CASC3: variants seen among roughly 807,000 people sequenced by gnomAD.
CASC3 encodes CASC3 exon junction complex subunit.
In CASC3, 30 loss-of-function variants were observed where a neutral mutation model predicts 80.5. That is an observed-to-expected ratio of 0.37 (90% confidence interval 0.28 to 0.51). CASC3 has a LOEUF of 0.51. CASC3 is among the 20% of genes least tolerant of loss of function. The pLI is 0.94. For missense variants in CASC3, 824 were observed against 922.2 expected (o/e 0.89, Z 1.38); for synonymous variants, 312 against 333.6 (o/e 0.94, Z 0.70).
At chr17:40,145,863 T>C (rs936347341) in intron 3 of CASC3, among the ~76,000 whole-genome samples, 2 of 152,086 alleles carry the variant, frequency 1.3e-5, no homozygotes, top group Non-Finnish European at 2.9e-5. Flanking sequence ...ACTCCTGACC[T>C]CAAGTGATCT....
intron 11 of CASC3, 175 bp downstream of exon 11, chr17:40,168,592 C>T: frequency 1.6e-6 from 1 of 621,278 alleles, no homozygotes. Context: ...TTATGTAATG[C>T]CCATCATCTT....
intron 3 of CASC3, among the ~76,000 whole-genome samples, chr17:40,155,050 C>T (rs932417562): frequency 7.9e-5 from 12 of 151,912 alleles, no homozygotes; most frequent in African/African-American, 2.7e-4. Context: ...CCACCACGCC[C>T]AGCTGATTTT....
intron 3 of CASC3, among the ~76,000 whole-genome samples, chr17:40,159,592 C>G (rs1055539859): frequency 2.8e-5 from 4 of 145,024 alleles, no homozygotes; most frequent in Admixed American, 1.4e-4. Flanking sequence ...GTTGCTAAGA[C>G]TGGAGCGCAG....
At chr17:40,151,764 G>A (rs556907790) in intron 3 of CASC3, among the ~76,000 whole-genome samples, 14 of 149,724 alleles carry the variant, frequency 9.4e-5, no homozygotes, top group African/African-American at 2.9e-4. Context: ...TCAAGCAACC[G>A]CAAATCTACT....
intron 7 of CASC3, 30 bp from the exon 8 acceptor site, chr17:40,166,767 T>C: frequency 6.5e-7 from 1 of 1,540,446 alleles, no homozygotes; most frequent in South Asian, 1.2e-5. Context: ...ATGTCTGATC[T>C]GCAGAAGTGA....
intron 2 of CASC3, 87 bp downstream of exon 2, chr17:40,141,321 C>A: frequency 7.9e-7 from 1 of 1,270,066 alleles, no homozygotes; most frequent in Non-Finnish European, 1.2e-6. Context: ...CATTCTCACA[C>A]ACTGTCACGG....
intron 12 of CASC3, 31 bp from the exon 13 acceptor site, chr17:40,169,567 C>T: frequency 6.3e-7 from 1 of 1,584,354 alleles, no homozygotes; most frequent in Non-Finnish European, 8.6e-7. Flanking sequence ...TTGTTATGAC[C>T]TGATAACAAA....
rs1989459667 is a variant in CASC3, at chr17:40,166,788, G to A, written c.1472-9G>A. ...GATCTGCAGAAGTGACTTTTTTGGT[G>A]TATTACAGGTATGCCCAACCATATA... On this transcript the variant is annotated splice_polypyrimidine_tract_variant and intron_variant, in intron 7 of 13. Transcript: ENST00000264645. 1.9e-6 allele frequency: 3 copies of A among 1,586,878 alleles called. No individual in the cohort carries two copies. The highest frequency in any genetic ancestry group is 2.7e-5 in the African/African-American group (2 of 73,212).
chr17:40,169,352 C>T lies in CASC3; in HGVS notation c.1994C>T (p.Thr665Ile). The T allele has an allele frequency of 6.2e-7, 1 of 1,612,086 alleles. No homozygotes were observed. ...QAPSQVYGGV[T>I]YYNPAQQQVQ... The stretch of plus-strand genomic sequence containing the variant: ...CCATCACAGGTATATGGAGGAGTGA[C>T]CTACTATAACCCCGCCCAGCAGCAG... The change falls in exon 12 of 14, where the codon ACC (threonine) becomes ATC (isoleucine). Residue 665 changes from threonine (T) to isoleucine (I), a missense_variant. Coordinates refer to ENST00000264645, the MANE Select transcript of CASC3 (RefSeq NM_007359.5).
chr17:40,159,933 C>T (rs1011417537), intron 3 of CASC3, among the ~76,000 whole-genome samples: 56 of 151,998 alleles, frequency 3.7e-4, no homozygotes, highest in African/African-American at 1.2e-3. Context: ...CCAGGCTGGT[C>T]TCAAACTCCG....
chr17:40,167,676 C>T, intron 9 of CASC3, 64 bp downstream of exon 9: 1 of 1,354,842 alleles, frequency 7.4e-7, no homozygotes, highest in South Asian at 1.2e-5. Context: ...AGATACCAGG[C>T]TCCTGGCTCC....
Position 40,149,460 on chromosome 17 carries a change from G to T in CASC3, c.297+7853G>T, listed in dbSNP as rs1415919614. 2.6e-5 allele frequency among the ~76,000 whole-genome samples: 4 copies of T among 152,134 alleles called. No homozygotes were observed. The East Asian group carries it at 5.8e-4, about 22-fold the overall frequency. On this transcript the variant is annotated intron_variant, in intron 3 of 13. Coordinates refer to ENST00000264645, the MANE Select transcript of CASC3 (RefSeq NM_007359.5). The stretch of plus-strand genomic sequence containing the variant: ...TGACTGAGGGAAGGCTGAAGAGATG[G>T]TAGTTGGAGAGGTAGCTTTGAGATC...
chr17:40,166,847 C>T lies in CASC3; in HGVS notation c.1522C>T (p.Arg508Trp), dbSNP rs369066110. 2 of 1,606,656 alleles carry T rather than the reference C, an allele frequency of 1.2e-6. No homozygotes were observed. The highest frequency in any genetic ancestry group is 8.5e-7 in the Non-Finnish European group (1 of 1,177,278). The change falls in exon 8 of 14, where the codon CGG becomes TGG. Residue 508 changes from arginine to tryptophan, a missense_variant. By Grantham distance (101) the Arg-to-Trp change is moderately radical (BLOSUM62 -3). This residue lies in a region of CASC3 where 464 missense variants were observed against 506.0 expected (regional missense o/e 0.92). Coordinates refer to ENST00000264645, the MANE Select transcript of CASC3 (RefSeq NM_007359.5). ...MGAGPPPQFN[R>W]MEEMGVQGGR... is the part of the protein sequence containing the mutation. ...AGCAGGACCTCCACCTCAGTTTAAC[C>T]GGATGGAAGAAATGGTACAGAAGGG...
rs764512347 is a variant in CASC3 at position 40,163,557 on chromosome 17, G to A, written c.862G>A (p.Gly288Arg). ...CAAGTCTCATCGCCACCAGGGTCTT[G>A]GGGGCACCCTACCACCAAGGACATT... The part of the protein sequence containing the change: ...LNKSHRHQGL[G>R]GTLPPRTFIN... Residue 288 changes from glycine to arginine, a missense_variant, in exon 7 of 14, where the codon GGG becomes AGG. Physicochemically the swap from Gly to Arg is moderately radical, Grantham distance 125. Around this residue, in one of 3 missense-constraint regions of CASC3, gnomAD observed 201 missense variants for 294.1 expected, o/e 0.68. Transcript: ENST00000264645. 3.7e-6 allele frequency: 6 copies of A among 1,614,056 alleles called. No homozygotes were observed. The highest frequency in any genetic ancestry group is 5.1e-6 in the Non-Finnish European group (6 of 1,179,996).
chr17:40,164,184 G>T lies in CASC3; in HGVS notation c.1471+18G>T, dbSNP rs1408622766. ...ACTTCGAGGTAGGTATCATAGGATT[G>T]GTGGCTAGCTTTTTCCCCTTTGCAT... On this transcript the variant is annotated intron_variant, in intron 7 of 13. Transcript: ENST00000264645. The T allele has an allele frequency of 1.9e-6, 3 of 1,567,776 alleles. No individual in the cohort carries two copies. In the African/African-American group the frequency reaches 4.1e-5, roughly 21 times the overall value.
Position 40,169,579 on chromosome 17 carries a change from T to G in CASC3, c.2089-19T>G, listed in dbSNP as rs774431262. ...TTTTTGTTATGACCTGATAACAAAT[T>G]CCAACTTTGTTATTTCAGGTTGTAA... is the stretch of plus-strand genomic sequence containing the variant. On this transcript the variant is annotated intron_variant, in intron 12 of 13. Transcript: ENST00000264645. 6.3e-7 allele frequency: 1 copy of G among 1,593,680 alleles called. No individual in the cohort carries two copies. Among genetic ancestry groups the G allele is most frequent in the Non-Finnish European group, 8.5e-7 (1 of 1,172,144 alleles).
chr17:40,147,388 C>T (rs1245744589), intron 3 of CASC3, among the ~76,000 whole-genome samples: 4 of 152,084 alleles, frequency 2.6e-5, no homozygotes, highest in Non-Finnish European at 5.9e-5. Flanking sequence ...CCTGTAATCA[C>T]AGCATTTTGG....
Position 40,163,683 on chromosome 17 carries a change from G to A in CASC3, c.988G>A (p.Glu330Lys), listed in dbSNP as rs199653330. ...AGGTCGTGCTGGTTTTAGGCCTGTG[G>A]AAGCTGGTGGGCAGCATGGTGGCCG... ...KEGRAGFRPV[E>K]AGGQHGGRSG... Residue 330 changes from glutamate to lysine, a missense_variant, in exon 7 of 14, where the codon GAA (glutamate) becomes AAA (lysine). Coordinates refer to ENST00000264645, the MANE Select transcript of CASC3 (RefSeq NM_007359.5). 1 of 1,614,158 alleles carries A rather than the reference G, an allele frequency of 6.2e-7. No individual in the cohort carries two copies. The highest frequency in any genetic ancestry group is 2.2e-5 in the East Asian group (1 of 44,880).
At position 40,163,507 on chromosome 17, in the gene CASC3, C is replaced by A. The variant is rs768468747; in HGVS notation, c.812C>A (p.Pro271Gln). ...TATGGGAGTCCTCCACAAAGAGATC[C>A]AAACTGGAACGGTGAGCGGCTAAAC... is the stretch of plus-strand genomic sequence containing the variant. Reference protein sequence around the residue: ...PRYGSPPQRDPNWNGERLNKS... With the variant: ...PRYGSPPQRDQNWNGERLNKS... The change falls in exon 7 of 14, where the codon CCA (proline) becomes CAA (glutamine). Residue 271 changes from proline to glutamine, a missense_variant. Pro to Gln is a moderately conservative substitution (Grantham distance 76, BLOSUM62 -1). This residue lies in a region of CASC3 where 201 missense variants were observed against 294.1 expected (regional missense o/e 0.68). Coordinates refer to ENST00000264645, the MANE Select transcript of CASC3 (RefSeq NM_007359.5). 7 of 1,612,536 alleles carry A rather than the reference C, an allele frequency of 4.3e-6. No homozygotes were observed. In the African/African-American group the frequency reaches 9.4e-5, roughly 22 times the overall value.
Sources: gnomAD v4.1 joint callset for allele counts (sites outside exome capture counted in the v4.1 genomes callset) on GRCh38, gnomAD v4.1.1 for gene constraint, gnomAD v4.1.1 regional missense constraint, MANE v1.5 for transcripts, NCBI Gene and HGNC (gene_info 2026-07-23, HGNC 2026-07-21) for gene names.